MYH1: variants seen among roughly 807,000 people sequenced by gnomAD.
The protein encoded by MYH1 is myosin-1.
In MYH1, 214 loss-of-function variants were observed where a neutral mutation model predicts 225.6. That is an observed-to-expected ratio of 0.95 (90% CI 0.85 to 1.06). The LOEUF is 1.06. Among genes scored for constraint, MYH1 ranks in the 50% least tolerant of loss-of-function variants. MYH1 has a pLI of 0.00. For synonymous variants in MYH1, 774 were observed against 842.3 expected, an observed-to-expected ratio of 0.92 and a Z score of 1.40; for missense variants, 2,098 against 2,344.2, an observed-to-expected ratio of 0.89 and a Z score of 2.17.
At position 10,514,020 on chromosome 17, in the gene MYH1, C is replaced by T; in HGVS notation, c.638G>A (p.Gly213Asp). 1 of 1,614,124 alleles carries T rather than the reference C, an allele frequency of 6.2e-7. No homozygotes were observed. The highest frequency in any genetic ancestry group is 8.5e-7 in the Non-Finnish European group (1 of 1,179,978). The stretch of plus-strand genomic sequence containing the variant: ...AACAATCAGACTCACCTGCATTTTG[C>T]CAGAAGTAACTTCTTCCTTCTTCTT... ...GEKKKEEVTSGKMQGTLEDQI... is the reference protein window; with the variant it reads ...GEKKKEEVTSDKMQGTLEDQI... The change falls in exon 7 of 40, where the codon GGC becomes GAC. Residue 213 changes from glycine to aspartate, a missense_variant. Transcript: ENST00000226207.
chr17:10,516,701 A>T lies in MYH1; in HGVS notation c.-40-19T>A, dbSNP rs2073233792. 6.3e-7 allele frequency: 1 copy of T among 1,584,244 alleles called. No individual in the cohort carries two copies. The highest frequency in any genetic ancestry group is 1.4e-5 in the African/African-American group (1 of 73,314). ...ACCCTGGCTGGGAGAGGAAGAAAAG[A>T]AATTGTAGAAATTAAGAAACTGGAC... On this transcript the variant is annotated intron_variant, in intron 2 of 39. Transcript: ENST00000226207.
intron 9 of MYH1, 22 bp downstream of exon 9, chr17:10,513,604 T>C (rs1457831009): frequency 3.1e-6 from 5 of 1,609,542 alleles, no homozygotes; most frequent in Non-Finnish European, 3.4e-6. Flanking sequence ...TTGGATTCTA[T>C]TTAGGAGGTC....
intron 22 of MYH1, among the ~76,000 whole-genome samples, chr17:10,504,440 A>T (rs2073089008): frequency 6.6e-6 from 1 of 152,244 alleles, no homozygotes; most frequent in African/African-American, 2.4e-5. Context: ...TTTCAAGTTA[A>T]TGTGTTTTCA....
chr17:10,499,495 A>C (rs946334639), intron 28 of MYH1, among the ~76,000 whole-genome samples: 3 of 152,220 alleles, frequency 2.0e-5, no homozygotes, highest in Non-Finnish European at 4.4e-5. Context: ...GTGGAAAATA[A>C]GAGACTTTGG....
At chr17:10,516,140 C>T (rs2073225226) in intron 4 of MYH1, 58 bp from the exon 5 acceptor site, 1 of 1,613,340 alleles carries the variant, frequency 6.2e-7, no homozygotes, top group South Asian at 1.1e-5. Context: ...TAATCATCTA[C>T]TACTTTTCAA....
Position 10,494,449 on chromosome 17 carries a change from T to C in MYH1, c.5572A>G (p.Thr1858Ala), listed in dbSNP as rs760321585. Reference sequence around the variant, plus strand: ...AGAATATTCTTGCGGTCTTCCTCAGTCTGAAATAATGTTTTCAAGAGTAAG... The same window carrying C: ...AGAATATTCTTGCGGTCTTCCTCAGCCTGAAATAATGTTTTCAAGAGTAAG... ...ERKVKELTYQ[T>A]EEDRKNILRL... is the part of the protein sequence containing the mutation. The change falls in exon 39 of 40, where the codon ACT (threonine) becomes GCT (alanine). Residue 1858 changes from threonine to alanine, a missense_variant and splice_region_variant. By Grantham distance (58) the Thr-to-Ala change is moderately conservative. Transcript: ENST00000226207. The C allele has an allele frequency of 3.7e-5, 60 of 1,612,942 alleles. No individual in the cohort carries two copies. In the East Asian group the frequency reaches 1.2e-3, roughly 32 times the overall value.
rs748399509 is a variant in MYH1 at position 10,496,118 on chromosome 17, G to A, written c.5001C>T (p.Ser1667=). The change falls in exon 35 of 40, where the codon AGC becomes AGT. Residue 1667 remains serine (S), a synonymous_variant. Transcript: ENST00000226207. ...CCAGCTGTTCCTTCAGGTCCTCCTG[G>A]CTCCGGAGAGCATCATCCAGGTGGA... ...TQLHLDDALR[S]QEDLKEQLAM... The A allele has an allele frequency of 1.9e-6, 3 of 1,613,996 alleles. No individual in the cohort carries two copies. Among genetic ancestry groups the A allele is most frequent in the Non-Finnish European group, 2.5e-6 (3 of 1,180,032 alleles).
At chr17:10,494,824 G>C in intron 37 of MYH1, 107 bp downstream of exon 37, 2 of 1,596,516 alleles carry the variant, frequency 1.3e-6, no homozygotes, top group Non-Finnish European at 1.7e-6. Flanking sequence ...TGAGGGAATA[G>C]CTCTCCCTCA....
chr17:10,499,158 T>C, intron 28 of MYH1, 66 bp from the exon 29 acceptor site: 1 of 1,440,482 alleles, frequency 6.9e-7, no homozygotes, highest in Non-Finnish European at 9.7e-7. Flanking sequence ...AATAAAAACT[T>C]GAGCAGGGAA....
At chr17:10,514,816 A>G (rs1028723441) in intron 6 of MYH1, 52 bp downstream of exon 6, 6 of 1,558,442 alleles carry the variant, frequency 3.9e-6, no homozygotes, top group South Asian at 1.1e-5. Context: ...TTGGTTTGTC[A>G]TTTTTCCAGT....
rs780442167 is a variant in MYH1 at position 10,509,629 on chromosome 17, G to A, written c.1443C>T (p.Ile481=). The stretch of plus-strand genomic sequence containing the variant: ...GTTGCAGTTTCTCATTGGTGAAGTT[G>A]ATGCACAGCTGCTCCAGGCTGTTGA... The part of the protein sequence containing the change: ...FDFNSLEQLC[I]NFTNEKLQQF... The change falls in exon 15 of 40, where the codon ATC becomes ATT. Residue 481 remains isoleucine (I), a synonymous_variant. Transcript: ENST00000226207. 8.7e-6 allele frequency: 14 copies of A among 1,614,094 alleles called. 1 individual carries two copies. The South Asian group carries it at 1.5e-4, about 18-fold the overall frequency.
At position 10,512,927 on chromosome 17, in the gene MYH1, C is replaced by T; in HGVS notation, c.844G>A (p.Ala282Thr). ...EKSRVTFQLK[A>T]ERSYHIFYQI... is the part of the protein sequence containing the mutation. The stretch of plus-strand genomic sequence containing the variant: ...TAAAAAATATGATAGCTTCTTTCAG[C>T]CTTTAGCTGGAAAGTAACTCTAGAC... Residue 282 changes from alanine (A) to threonine (T), a missense_variant, in exon 10 of 40, where the codon GCT becomes ACT. Ala to Thr is a moderately conservative substitution (Grantham distance 58, BLOSUM62 0). Transcript: ENST00000226207. The T allele has an allele frequency of 6.2e-7, 1 of 1,613,722 alleles. No homozygotes were observed. The highest frequency in any genetic ancestry group is 8.5e-7 in the Non-Finnish European group (1 of 1,179,754).
At position 10,508,631 on chromosome 17, in the gene MYH1, G is replaced by A; in HGVS notation, c.1629C>T (p.Phe543=). 3 of 1,614,174 alleles carry A rather than the reference G, an allele frequency of 1.9e-6. No individual in the cohort carries two copies. The highest frequency in any genetic ancestry group is 2.5e-6 in the Non-Finnish European group (3 of 1,180,016). Residue 543 remains phenylalanine, a synonymous_variant, in exon 16 of 40, where the codon TTC becomes TTT. Coordinates refer to ENST00000226207, the MANE Select transcript of MYH1 (RefSeq NM_005963.4). ...TGAAGGAGGTGTCTGTCGCCTTGGG[G>A]AACATGCACTCCTCTTCCAGGATGG... The part of the protein sequence containing the change: ...IFSILEEECM[F]PKATDTSFKN...
intron 6 of MYH1, 97 bp downstream of exon 6, chr17:10,514,771 G>A: frequency 2.8e-6 from 3 of 1,073,134 alleles, no homozygotes; most frequent in Non-Finnish European, 4.3e-6. Context: ...TGATCATTCA[G>A]TGCTTTAGTA....
At chr17:10,508,243 T>C in intron 16 of MYH1, 120 bp downstream of exon 16, 1 of 1,173,884 alleles carries the variant, frequency 8.5e-7, no homozygotes, top group South Asian at 1.6e-5. Flanking sequence ...GGTCTTGAAC[T>C]CCTGACCTCA....
At chr17:10,499,181 T>C (rs2073028543) in intron 28 of MYH1, 89 bp from the exon 29 acceptor site, 1 of 1,125,924 alleles carries the variant, frequency 8.9e-7, no homozygotes, top group East Asian at 2.4e-5. Flanking sequence ...GGAGCCAAGT[T>C]TGAAACTTGA....
rs765617199 is a variant in MYH1 at position 10,498,773 on chromosome 17, T to C, written c.4034A>G (p.Asp1345Gly). ...HALQSSRHDC[D>G]LLREQYEEEQ... The stretch of plus-strand genomic sequence containing the variant: ...CTCCTCATACTGTTCCCGCAGCAGG[T>C]CACAGTCATGGCGGGAGGACTGCAG... The change falls in exon 30 of 40, where the codon GAC becomes GGC. Residue 1345 changes from aspartate (D) to glycine (G), a missense_variant. By Grantham distance (94) the Asp-to-Gly change is moderately conservative. Transcript: ENST00000226207. The C allele has an allele frequency of 1.9e-6, 3 of 1,614,232 alleles. No homozygotes were observed. The highest frequency in any genetic ancestry group is 1.7e-5 in the Admixed American group (1 of 60,026).
intron 39 of MYH1, among the ~76,000 whole-genome samples, chr17:10,493,095 G>C (rs958654373): frequency 6.6e-6 from 1 of 152,160 alleles, no homozygotes; most frequent in African/African-American, 2.4e-5. Context: ...GTCAGTTCTA[G>C]TTTAGTCTCT....
At chr17:10,506,210 T>A in intron 17 of MYH1, 111 bp from the exon 18 acceptor site, 1 of 1,367,502 alleles carries the variant, frequency 7.3e-7, no homozygotes, top group Non-Finnish European at 1.0e-6. Context: ...ATGAATAGTA[T>A]CCAGATGAAA....
Sources: gnomAD v4.1 joint callset for allele counts (sites outside exome capture counted in the v4.1 genomes callset) on GRCh38, gnomAD v4.1.1 for gene constraint, MANE v1.5 for transcripts, NCBI Gene and HGNC (gene_info 2026-07-23, HGNC 2026-07-21) for gene names.